The following ANKRD26 variants were observed in gnomAD, a reference collection of about 807,000 sequenced individuals.
The protein encoded by ANKRD26 is ankyrin repeat domain-containing protein 26.
In ANKRD26, 141 loss-of-function variants were observed where a neutral mutation model predicts 208.7. The ratio of observed to expected loss-of-function variants is 0.68; its 90% CI spans 0.59 to 0.78. The LOEUF is 0.78. Among genes scored for constraint, ANKRD26 ranks in the 30% least tolerant of loss-of-function variants. The pLI is 0.00. For synonymous variants in ANKRD26, 636 were observed against 660.4 expected (o/e 0.96, Z 0.57); for missense variants, 1,889 against 1,938.7 (o/e 0.97, Z 0.48).
chr10:27,069,393 G>GA (rs1428500732), intron 9 of ANKRD26, among the ~76,000 whole-genome samples: 1 of 152,082 alleles, frequency 6.6e-6, no homozygotes, highest in African/African-American at 2.4e-5. Flanking sequence ...AAATTACAAA[G>GA]AATCAGGAAA....
chr10:26,999,956 A>T (rs2052684703), downstream of ANKRD26, among the ~76,000 whole-genome samples: 1 of 152,112 alleles, frequency 6.6e-6, no homozygotes. Context: ...GGTTGTTAAA[A>T]CTTTTAGTCA....
chr10:27,054,981 G>C (rs1423768101), intron 15 of ANKRD26, among the ~76,000 whole-genome samples: 4 of 152,054 alleles, frequency 2.6e-5, no homozygotes, highest in Admixed American at 2.0e-4. Flanking sequence ...TGAATTTCAG[G>C]GGCATATGAA....
intron 15 of ANKRD26, 106 bp from the exon 16 acceptor site, chr10:27,053,496 G>A (rs1176513271): frequency 7.3e-6 from 6 of 825,100 alleles, no homozygotes; most frequent in Non-Finnish European, 9.1e-6. Context: ...TTTATAAATC[G>A]AGAGGGTTTT....
chr10:26,996,186 T>C (rs2052587957), intron 4 of ANKRD26, among the ~76,000 whole-genome samples: 1 of 152,160 alleles, frequency 6.6e-6, no homozygotes, highest in South Asian at 2.1e-4. Context: ...TGGTGGTTCA[T>C]AACTAATCCC....
rs958356090 is a variant in ANKRD26, at chr10:26,998,186, A to G, written c.563-3039T>C. On this transcript the variant is annotated intron_variant, in intron 4 of 5. Transcript: ENST00000445828. The stretch of plus-strand genomic sequence containing the variant: ...TCTGTTTTAAAAGTTTGCATTTAAT[A>G]ATGTATCATTTTTACTGTTTTCAAA... Among the ~76,000 whole-genome samples the G allele has an allele frequency of 3.3e-5, 5 of 152,324 alleles. No homozygotes were observed. The East Asian group carries it at 9.6e-4, about 29-fold the overall frequency.
chr10:26,985,752 G>A lies in ANKRD26; in HGVS notation c.490-2939C>T, dbSNP rs576586053. Among the ~76,000 whole-genome samples the A allele has an allele frequency of 2.2e-4, 33 of 152,152 alleles. No homozygotes were observed. The East Asian group carries it at 3.1e-3, about 14-fold the overall frequency. On this transcript the variant is annotated intron_variant and NMD_transcript_variant, in intron 3 of 5. Coordinates refer to the ANKRD26 transcript ENST00000674670. ...AAGGTTAAATATCCTCTCTCCTTCCGTAGCATCCCAAAGTCATGAGCAACA... is the reference window on the plus strand; with the variant it reads ...AAGGTTAAATATCCTCTCTCCTTCCATAGCATCCCAAAGTCATGAGCAACA...
At position 27,066,682 on chromosome 10, in the gene ANKRD26, G is replaced by GA. The variant is rs2055260372; in HGVS notation, c.1208-135dup. On this transcript the variant is annotated intron_variant, in intron 10 of 33. Transcript: ENST00000376087. ...TAAAATAAAAATAATAGCAAAAAAA[G>GA]AATTTCACAAGGTTGATGCAGTCTC... The GA allele has an allele frequency of 1.2e-5, 7 of 600,202 alleles. No individual in the cohort carries two copies. The South Asian group carries it at 2.5e-4, about 21-fold the overall frequency. 37.2% of individuals were successfully genotyped at this position (600,202 alleles called of 1,614,324 possible). A position where few individuals can be genotyped will look rare whatever the true frequency, so the allele number is the denominator to read the frequency against.
At chr10:27,061,519 T>C (rs1480685815) in intron 12 of ANKRD26, among the ~76,000 whole-genome samples, 1 of 151,982 alleles carries the variant, frequency 6.6e-6, no homozygotes, top group Non-Finnish European at 1.5e-5. Flanking sequence ...TGCTTCTATA[T>C]TCAAATTAAA....
intron 6 of ANKRD26, among the ~76,000 whole-genome samples, chr10:27,082,073 AAGGG>A (rs1193525527): frequency 1.4e-4 from 4 of 28,132 alleles, no homozygotes; most frequent in East Asian, 7.7e-4. Flanking sequence ...AAAAAAAAAA[AAGGG>A]AGAGAGAGAA....
At chr10:27,080,150 T>C (rs1428581196) in intron 6 of ANKRD26, 1 of 179,794 alleles carries the variant, frequency 5.6e-6, no homozygotes, top group African/African-American at 2.4e-5. Context: ...GTGCAAGACT[T>C]TGTCTCAAAA....
At chr10:27,036,277 G>T (rs2054040431) in intron 23 of ANKRD26, among the ~76,000 whole-genome samples, 1 of 151,376 alleles carries the variant, frequency 6.6e-6, no homozygotes, top group African/African-American at 2.4e-5. Context: ...AATAAATCTA[G>T]GCATTGTACT....
chr10:27,020,246 T>G (rs770876437), intron 29 of ANKRD26, among the ~76,000 whole-genome samples: 1 of 152,256 alleles, frequency 6.6e-6, no homozygotes. Context: ...ATAAGCGAAT[T>G]AGCATATCCA....
chr10:27,093,285 CAT>C, intron 3 of ANKRD26, 62 bp downstream of exon 3: 1 of 1,481,910 alleles, frequency 6.7e-7, no homozygotes. Context: ...CTAACCCTTA[CAT>C]ATGTCACTGT....
Position 27,040,016 on chromosome 10 carries a change from GATTTT to G in ANKRD26, c.2319_2323del (p.Lys774ThrfsTer8), listed in dbSNP as rs747490804. ...TTCAACTTTTTGATGCTCTAACTGT[GATTTT>G]ATTTCTTTTGTTTCAGATAGCTCCC... On this transcript the variant is annotated frameshift_variant, in exon 21 of 34. Coordinates refer to ENST00000376087, the MANE Select transcript of ANKRD26 (RefSeq NM_014915.3). LOFTEE classifies it high-confidence loss of function. 1.2e-6 allele frequency: 2 copies of G among 1,613,706 alleles called. No homozygotes were observed. The highest frequency in any genetic ancestry group is 2.2e-5 in the South Asian group (2 of 91,048).
intron 1 of ANKRD26, among the ~76,000 whole-genome samples, chr10:27,098,905 T>C (rs1264951652): frequency 6.6e-6 from 1 of 152,212 alleles, no homozygotes; most frequent in Non-Finnish European, 1.5e-5. Context: ...AGTCTGTATG[T>C]ATAATCAAAC....
Position 27,014,351 on chromosome 10 carries a change from GTAAGT to G in ANKRD26, c.4724+138_4724+142del, listed in dbSNP as rs896667474. The G allele has an allele frequency of 6.4e-6, 4 of 627,742 alleles. No homozygotes were observed. In the African/African-American group the frequency reaches 7.5e-5, roughly 12 times the overall value. The allele number at this position is 627,742 out of a possible 1,614,324, so 38.9% of individuals were successfully genotyped here. A position where few individuals can be genotyped will look rare whatever the true frequency, so the allele number is the denominator to read the frequency against. ...ACTGTCCTGGACTCACATTTTAAAG[GTAAGT>G]TAATTTACTAACATTTTCCAAAATT... On this transcript the variant is annotated intron_variant, in intron 31 of 33. Transcript: ENST00000376087.
At chr10:27,021,136 T>C (rs189823170) in intron 29 of ANKRD26, among the ~76,000 whole-genome samples, 92 of 152,344 alleles carry the variant, frequency 6.0e-4, no homozygotes, top group Non-Finnish European at 1.9e-4. Context: ...AACCTCAGCG[T>C]CTGTTGTTTT....
Position 27,074,917 on chromosome 10 carries a change from T to C in ANKRD26, c.1077+2421A>G, listed in dbSNP as rs146568942. Among the ~76,000 whole-genome samples, 409 of 152,238 alleles carry C rather than the reference T, an allele frequency of 2.7e-3. 4 individuals are homozygous for C. The highest frequency in any genetic ancestry group is 9.1e-3 in the African/African-American group (378 of 41,546). On this transcript the variant is annotated intron_variant, in intron 9 of 33. Transcript: ENST00000376087. Reference sequence around the variant, plus strand: ...GAAACCTTAACAAGCCAGGAGGGACTGGAGTCCTATCTATAGTCTCCTTAA... The same window carrying C: ...GAAACCTTAACAAGCCAGGAGGGACCGGAGTCCTATCTATAGTCTCCTTAA...
At chr10:27,056,774 T>C (rs2054854539) in intron 15 of ANKRD26, among the ~76,000 whole-genome samples, 1 of 151,938 alleles carries the variant, frequency 6.6e-6, no homozygotes, top group Non-Finnish European at 1.5e-5. Context: ...CAAAATTCTG[T>C]CTCAAAAAAT....
Sources: allele counts gnomAD v4.1 joint callset (sites outside exome capture counted in the v4.1 genomes callset), GRCh38; gene constraint gnomAD v4.1.1; transcripts MANE v1.5; gene names NCBI Gene and HGNC (gene_info 2026-07-23, HGNC 2026-07-21).